SAMMSON: variants seen among roughly 807,000 people sequenced by gnomAD.
SAMMSON encodes the protein long intergenic non-protein coding RNA 1212.
chr3:70,240,290 GAAAAAAAA>G (rs1465293623), intron 4 of SAMMSON, among the ~76,000 whole-genome samples: 1 of 150,284 alleles, frequency 6.7e-6, no homozygotes, highest in Non-Finnish European at 1.5e-5. Flanking sequence ...TCATCTTGGG[GAAAAAAAA>G]CAGTAGCTAA....
intron 3 of SAMMSON, among the ~76,000 whole-genome samples, chr3:70,020,932 G>C (rs911997353): frequency 3.9e-5 from 6 of 152,144 alleles, no homozygotes; most frequent in African/African-American, 1.4e-4. Context: ...CAGAAAGTGA[G>C]AAAATGGCAG....
At position 70,422,568 on chromosome 3, in the gene SAMMSON, C is replaced by T. The variant is rs550030535; in HGVS notation, n.234-39992C>T. On this transcript the variant is annotated intron_variant and non_coding_transcript_variant, in intron 2 of 3. Transcript: ENST00000641053. ...AATTGTATCCACATTGTACTGTGCA[C>T]CTTGTATAGTTTTGTAAACATCTAA... Among the ~76,000 whole-genome samples the T allele has an allele frequency of 5.3e-5, 8 of 152,070 alleles. No individual in the cohort carries two copies. The East Asian group carries it at 1.5e-3, about 29-fold the overall frequency.
chr3:70,202,115 G>C (rs1271082824), intron 4 of SAMMSON, among the ~76,000 whole-genome samples: 2 of 152,272 alleles, frequency 1.3e-5, no homozygotes, highest in African/African-American at 4.8e-5. Flanking sequence ...ATAGTGGTTA[G>C]TGACTAGTGG....
chr3:70,271,057 A>T (rs909060734), intron 6 of SAMMSON, among the ~76,000 whole-genome samples: 1 of 151,494 alleles, frequency 6.6e-6, no homozygotes, highest in African/African-American at 2.4e-5. Flanking sequence ...TATTGAAAAT[A>T]AAAAAAAACA....
At chr3:70,047,759 G>C (rs1201768733) in intron 3 of SAMMSON, among the ~76,000 whole-genome samples, 1 of 152,126 alleles carries the variant, frequency 6.6e-6, no homozygotes, top group African/African-American at 2.4e-5. Flanking sequence ...CAAGGTGCCT[G>C]CTTCTTGTTT....
intron 2 of SAMMSON, among the ~76,000 whole-genome samples, chr3:70,411,065 G>A (rs746278112): frequency 4.6e-5 from 7 of 152,038 alleles, no homozygotes; most frequent in African/African-American, 7.3e-5. Flanking sequence ...CCCCTACCCC[G>A]CGCAATTAGA....
intron 4 of SAMMSON, among the ~76,000 whole-genome samples, chr3:70,190,565 T>C (rs561519742): frequency 6.6e-6 from 1 of 152,312 alleles, no homozygotes; most frequent in East Asian, 1.9e-4. Context: ...CCTAATGTTT[T>C]CCAAAAATAT....
intron 3 of SAMMSON, among the ~76,000 whole-genome samples, chr3:70,028,075 G>T (rs9816838): frequency 3.5e-5 from 5 of 144,630 alleles, no homozygotes; most frequent in African/African-American, 5.4e-5. Context: ...CTGCCTGCCT[G>T]CCTTCCTTCT....
intron 7 of SAMMSON, among the ~76,000 whole-genome samples, chr3:70,296,758 A>G (rs12630799): frequency 0.11 from 16,378 of 151,978 alleles, 1,130 homozygotes; most frequent in East Asian, 0.38. Flanking sequence ...TTGGGCTACT[A>G]TAAGCCCGAC....
chr3:70,189,914 G>A (rs915776021), intron 4 of SAMMSON, among the ~76,000 whole-genome samples: 3 of 152,098 alleles, frequency 2.0e-5, no homozygotes, highest in Non-Finnish European at 4.4e-5. Context: ...AGATGTTTTG[G>A]GAATGAATTG....
intron 3 of SAMMSON, among the ~76,000 whole-genome samples, chr3:70,016,489 C>G (rs1360649200): frequency 6.6e-6 from 1 of 151,986 alleles, no homozygotes. Context: ...GATATTAGCC[C>G]TTTGTCAGAT....
rs71126480 is a variant in SAMMSON, at chr3:70,134,259, CAA to C, written n.507+62706_507+62707del. ...TAGGTGACAGGACGAGATTCCATCTCAAAAAAAAAAAAATATTAAATGAAATG... is the reference window on the plus strand; with the variant it reads ...TAGGTGACAGGACGAGATTCCATCTCAAAAAAAAAAATATTAAATGAAATG... On this transcript the variant is annotated intron_variant and non_coding_transcript_variant, in intron 4 of 9. Transcript: ENST00000642114. Among the ~76,000 whole-genome samples the C allele has an allele frequency of 9.1e-3, 1,203 of 132,116 alleles. 4 individuals are homozygous for C. The highest frequency in any genetic ancestry group is 0.015 in the Non-Finnish European group (892 of 60,926). 86.7% of individuals were successfully genotyped at this position (132,116 alleles called of 152,430 possible).
chr3:70,355,098 C>A (rs1702819902), intron 8 of SAMMSON, among the ~76,000 whole-genome samples: 1 of 152,090 alleles, frequency 6.6e-6, no homozygotes, highest in South Asian at 2.1e-4. Context: ...ACACCAGTAA[C>A]CAGGTGCCTA....
intron 4 of SAMMSON, among the ~76,000 whole-genome samples, chr3:70,190,117 G>GA (rs1701120138): frequency 6.6e-6 from 1 of 152,144 alleles, no homozygotes; most frequent in Admixed American, 6.5e-5. Context: ...CTTCCCTAAT[G>GA]AAAATAATGG....
At chr3:70,050,006 C>G (rs17006662) in intron 3 of SAMMSON, among the ~76,000 whole-genome samples, 5,321 of 152,046 alleles carry the variant, frequency 0.035, 321 homozygotes, top group African/African-American at 0.12. Flanking sequence ...ATGTGCCAAG[C>G]TGGAAAAGTA....
At chr3:70,260,220 C>G (rs2106660718) in intron 6 of SAMMSON, among the ~76,000 whole-genome samples, 1 of 152,240 alleles carries the variant, frequency 6.6e-6, no homozygotes, top group East Asian at 1.9e-4. Context: ...CACAGGCATT[C>G]CTTAGTTTGC....
intron 2 of SAMMSON, among the ~76,000 whole-genome samples, chr3:70,398,950 G>A (rs1293932839): frequency 6.6e-6 from 1 of 152,226 alleles, no homozygotes; most frequent in East Asian, 1.9e-4. Context: ...TTGGGCTAAT[G>A]AGAAGGATAT....
chr3:70,096,372 C>T (rs1490373767), intron 4 of SAMMSON, among the ~76,000 whole-genome samples: 4 of 152,152 alleles, frequency 2.6e-5, no homozygotes, highest in South Asian at 4.2e-4. Flanking sequence ...ACTGGGACCT[C>T]GTCTCTACAA....
At chr3:70,298,832 G>A (rs1276012898) in intron 7 of SAMMSON, among the ~76,000 whole-genome samples, 1 of 152,110 alleles carries the variant, frequency 6.6e-6, no homozygotes, top group African/African-American at 2.4e-5. Flanking sequence ...AGAATACCTG[G>A]CTTGGGACCT....
Sources: gnomAD v4.1 joint callset for allele counts (sites outside exome capture counted in the v4.1 genomes callset) on GRCh38, gnomAD v4.1.1 for gene constraint, MANE v1.5 for transcripts, NCBI Gene and HGNC (gene_info 2026-07-23, HGNC 2026-07-21) for gene names.